DCLRE1C: variants seen among roughly 807,000 people sequenced by gnomAD.
DCLRE1C encodes the protein protein artemis.
DCLRE1C carries 47 observed loss-of-function variants against 61.4 expected under a neutral mutation model. The ratio of observed to expected loss-of-function variants is 0.77; its 90% CI spans 0.61 to 0.98. DCLRE1C has a LOEUF of 0.98. Among genes scored for constraint, DCLRE1C ranks in the 50% least tolerant of loss-of-function variants. The pLI is 0.00. For missense variants in DCLRE1C, 858 were observed against 816.0 expected (o/e 1.05, Z -0.63); for synonymous variants, 337 against 287.6 (o/e 1.17, Z -1.74).
Position 14,935,585 on chromosome 10 carries a change from A to G in DCLRE1C, c.363-21T>C, listed in dbSNP as rs901348530. 1.9e-6 allele frequency: 3 copies of G among 1,609,870 alleles called. No homozygotes were observed. The African/African-American group carries it at 4.0e-5, about 22-fold the overall frequency. Reference sequence around the variant, plus strand: ...AAAACCTGAAAAAGAAATATATCCCAGTGACTTCTGAGTCTCATATAAACT... The same window carrying G: ...AAAACCTGAAAAAGAAATATATCCCGGTGACTTCTGAGTCTCATATAAACT... On this transcript the variant is annotated intron_variant, in intron 5 of 13. Coordinates refer to ENST00000378278, the MANE Select transcript of DCLRE1C (RefSeq NM_001033855.3).
At chr10:14,933,053 T>C in intron 8 of DCLRE1C, 98 bp from the exon 9 acceptor site, 2 of 1,314,598 alleles carry the variant, frequency 1.5e-6, no homozygotes, top group Non-Finnish European at 2.2e-6. Context: ...GTTAGTGAAT[T>C]AACCCTCTCT....
intron 11 of DCLRE1C, chr10:14,923,276 G>A (rs1837422702): frequency 3.6e-6 from 2 of 551,042 alleles, no homozygotes; most frequent in East Asian, 3.2e-5. Context: ...TGAACACTGA[G>A]TACTAGTGGG....
chr10:14,903,507 C>T (rs1834158454), downstream of DCLRE1C: 1 of 152,146 alleles, frequency 6.6e-6, no homozygotes, highest in South Asian at 2.1e-4. Context: ...GCAGGTTCTT[C>T]TTAAAAAGTA....
At chr10:14,901,698 G>T (rs1834031584), downstream of DCLRE1C, among the ~76,000 whole-genome samples, 1 of 152,014 alleles carries the variant, frequency 6.6e-6, no homozygotes, top group African/African-American at 2.4e-5. Flanking sequence ...GGGCGTGGTG[G>T]CGTGTGCCTG....
chr10:14,913,196 C>G (rs1835578148), intron 13 of DCLRE1C, among the ~76,000 whole-genome samples: 1 of 152,244 alleles, frequency 6.6e-6, no homozygotes, highest in Non-Finnish European at 1.5e-5. Context: ...AAACACAAAT[C>G]TATAGAGACA....
At chr10:14,930,863 C>T (rs966556970) in intron 9 of DCLRE1C, among the ~76,000 whole-genome samples, 2 of 152,210 alleles carry the variant, frequency 1.3e-5, no homozygotes, top group Admixed American at 6.5e-5. Context: ...CTGAATGCAA[C>T]ATAGAATATG....
rs1834577905 is a variant in DCLRE1C, at chr10:14,907,894, T to A, written c.*514A>T. ...TTTTTTTTTTGAGACAGAGTTTTGC[T>A]CTTGTTGCCCAGGCTGGAGTGCAAT... On this transcript the variant is annotated 3_prime_UTR_variant, in exon 14 of 14. Coordinates refer to ENST00000378278, the MANE Select transcript of DCLRE1C (RefSeq NM_001033855.3). The A allele has an allele frequency of 7.1e-6, 1 of 141,678 alleles. No homozygotes were observed. Among genetic ancestry groups the A allele is most frequent in the Non-Finnish European group, 1.5e-5 (1 of 66,184 alleles). The allele number at this position is 141,678 out of a possible 1,614,324, so 8.8% of individuals were successfully genotyped here.
chr10:14,916,070 C>T (rs1358790935), intron 13 of DCLRE1C, among the ~76,000 whole-genome samples: 2 of 152,126 alleles, frequency 1.3e-5, no homozygotes, highest in African/African-American at 2.4e-5. Context: ...TATCTCTCCA[C>T]CTACCAAGAA....
rs563287943 is a variant in DCLRE1C at position 14,945,477 on chromosome 10, G to A, written c.162-288C>T. On this transcript the variant is annotated intron_variant, in intron 2 of 13. Transcript: ENST00000378278. ...GTGCCACCAAGAGCACAAGGTGGGG[G>A]TGGAAACACGGTGTCCCTGGACCTC... 3 of 1,166,860 alleles carry A rather than the reference G, an allele frequency of 2.6e-6. No homozygotes were observed. In the African/African-American group the frequency reaches 4.8e-5, roughly 19 times the overall value. 72.3% of individuals were successfully genotyped at this position (1,166,860 alleles called of 1,614,324 possible).
At chr10:14,932,762 G>T in intron 9 of DCLRE1C, 92 bp downstream of exon 9, 4 of 1,452,604 alleles carry the variant, frequency 2.8e-6, no homozygotes, top group Non-Finnish European at 3.9e-6. Context: ...TTTTACATTT[G>T]TAAAGCGAAG....
At chr10:14,900,069 A>G (rs1252616227), downstream of DCLRE1C, among the ~76,000 whole-genome samples, 1 of 152,226 alleles carries the variant, frequency 6.6e-6, no homozygotes, top group African/African-American at 2.4e-5. Flanking sequence ...TAGGATGTAC[A>G]ACTGAAGGTA....
rs1834700864 is a variant in DCLRE1C, at chr10:14,908,583, C to T, written c.1904G>A (p.Ser635Asn). Residue 635 changes from serine (S) to asparagine (N), a missense_variant, in exon 14 of 14, where the codon AGT (serine) becomes AAT (asparagine). Physicochemically the swap from Ser to Asn is conservative, Grantham distance 46. This residue lies in a region of DCLRE1C where 843 missense variants were observed against 783.5 expected (regional missense o/e 1.08). Transcript: ENST00000378278. ...SSETHIPEEK[S>N]LLNLSTNADS... ...TGCATTTGTGCTAAGATTTAGCAAA[C>T]TTTTTTCCTCGGGTATATGTGTCTC... 6.2e-7 allele frequency: 1 copy of T among 1,614,130 alleles called. No individual in the cohort carries two copies. Among genetic ancestry groups the T allele is most frequent in the East Asian group, 2.2e-5 (1 of 44,870 alleles).
chr10:14,940,342 G>A lies in DCLRE1C; in HGVS notation c.247-473C>T, dbSNP rs1017885362. On this transcript the variant is annotated intron_variant, in intron 3 of 13. Transcript: ENST00000378278. Reference sequence around the variant, plus strand: ...CTCGCTCTGTCACCCAGGCTGGAGCGCAGTGGTGTGGTATCGGCTCACTGC... The same window carrying A: ...CTCGCTCTGTCACCCAGGCTGGAGCACAGTGGTGTGGTATCGGCTCACTGC... Among the ~76,000 whole-genome samples the A allele has an allele frequency of 4.7e-5, 7 of 150,178 alleles. No individual in the cohort carries two copies. The South Asian group carries it at 8.4e-4, about 18-fold the overall frequency.
intron 8 of DCLRE1C, among the ~76,000 whole-genome samples, chr10:14,933,711 T>A (rs1839408481): frequency 1.3e-5 from 2 of 152,072 alleles, no homozygotes; most frequent in Non-Finnish European, 2.9e-5. Context: ...GTACTGCAAA[T>A]AATCCACTGC....
In DCLRE1C at chr10:14,908,235, C is replaced by T; in HGVS notation, c.*173G>A. The T allele has an allele frequency of 1.9e-6, 1 of 535,306 alleles. No individual in the cohort carries two copies. The highest frequency in any genetic ancestry group is 2.0e-5 in the South Asian group (1 of 49,674). The allele number at this position is 535,306 out of a possible 1,614,324, so 33.2% of individuals were successfully genotyped here. ...GTGTTGGCCAGGCTGGTGTCGAACT[C>T]CTGGGCTCAAGCCATTGCCCACCTC... On this transcript the variant is annotated 3_prime_UTR_variant, in exon 14 of 14. Transcript: ENST00000378278.
rs950776344 is a variant in DCLRE1C at position 14,913,613 on chromosome 10, A to T, written c.1157-4283T>A. 2.0e-5 allele frequency among the ~76,000 whole-genome samples: 3 copies of T among 152,252 alleles called. No homozygotes were observed. The South Asian group carries it at 6.2e-4, about 31-fold the overall frequency. On this transcript the variant is annotated intron_variant, in intron 13 of 13. Transcript: ENST00000378278. ...AGTCCTCTGTATCCACAGGTTCCAC[A>T]TCTGTAGATTTGACTGACCACAGAT...
intron 12 of DCLRE1C, among the ~76,000 whole-genome samples, chr10:14,921,026 A>G (rs1837018018): frequency 6.7e-6 from 1 of 150,260 alleles, no homozygotes; most frequent in Non-Finnish European, 1.5e-5. Flanking sequence ...ATGCATTTTA[A>G]CAAGCACCTC....
chr10:14,928,803 T>C (rs947366682), intron 9 of DCLRE1C, among the ~76,000 whole-genome samples: 3 of 139,604 alleles, frequency 2.1e-5, no homozygotes, highest in African/African-American at 8.1e-5. Context: ...TTTTTTTTTT[T>C]AGACAGTCTC....
chr10:14,954,284 A>G (rs12411686), upstream of DCLRE1C: 2,263 of 556,740 alleles, frequency 4.1e-3, 13 homozygotes, highest in Admixed American at 0.014. Context: ...TTCCCGCCCA[A>G]CAAACACAGG....
Sources: allele counts gnomAD v4.1 joint callset (sites outside exome capture counted in the v4.1 genomes callset), GRCh38; gene constraint gnomAD v4.1.1; regional missense constraint gnomAD v4.1.1; transcripts MANE v1.5; gene names NCBI Gene and HGNC (gene_info 2026-07-23, HGNC 2026-07-21).